Variants in RANBP2 observed in about 807,000 individuals in gnomAD.
The protein encoded by RANBP2 is RAN binding protein 2.
RANBP2 carries 57 observed loss-of-function variants against 303.6 expected under a neutral mutation model. The ratio of observed to expected loss-of-function variants is 0.19; its 90% confidence interval spans 0.15 to 0.23. The LOEUF (loss-of-function observed/expected upper bound fraction) is 0.23, where lower values mean the gene tolerates loss of function less well. RANBP2 is among the 10% of genes least tolerant of loss of function. The probability of loss-of-function intolerance (pLI) is 1.00; values close to 1 mark genes in which losing one functional copy is unlikely to be tolerated. For missense variants in RANBP2, 3,138 were observed against 3,780.8 expected (o/e 0.83, Z 4.46); for synonymous variants, 1,167 against 1,301.5 (o/e 0.90, Z 2.23).
the RANBP2 span, among the ~76,000 whole-genome samples, chr2:109,222,413 T>C: frequency 6.6e-6 from 1 of 152,234 alleles, no homozygotes; most frequent in Non-Finnish European, 1.5e-5. Flanking sequence ...GATTTGATCA[T>C]TACACATTGT....
chr2:109,545,537 G>A, the RANBP2 span: 1 of 1,535,652 alleles, frequency 6.5e-7, no homozygotes, highest in Non-Finnish European at 8.7e-7. Flanking sequence ...TCGACAGCCT[G>A]GTTCCCTTAT....
chr2:109,629,576 G>T, the RANBP2 span, among the ~76,000 whole-genome samples: 2 of 151,704 alleles, frequency 1.3e-5, no homozygotes, highest in Non-Finnish European at 2.9e-5. Flanking sequence ...ACTTTGGGAG[G>T]CTGAGGCAGG....
chr2:109,258,054 A>G, the RANBP2 span, among the ~76,000 whole-genome samples: 69,827 of 151,912 alleles, frequency 0.46, 16,092 homozygotes, highest in African/African-American at 0.48. Context: ...GCTGACCCTC[A>G]CAGCCCTGCC....
chr2:108,828,600 G>A, the RANBP2 span, among the ~76,000 whole-genome samples: 2 of 152,324 alleles, frequency 1.3e-5, no homozygotes, highest in South Asian at 4.1e-4. Flanking sequence ...AGTGGAGGAA[G>A]GACAGTCTTT....
At chr2:109,259,529 T>G in the RANBP2 span, among the ~76,000 whole-genome samples, 1 of 152,218 alleles carries the variant, frequency 6.6e-6, no homozygotes, top group South Asian at 2.1e-4. Context: ...TCCGGGGCCC[T>G]TCATGCCTTA....
the RANBP2 span, among the ~76,000 whole-genome samples, chr2:109,352,680 C>T: frequency 6.6e-6 from 1 of 152,216 alleles, no homozygotes; most frequent in Non-Finnish European, 1.5e-5. Flanking sequence ...GGAACCAGTT[C>T]TCCTTTTTGG....
chr2:109,372,517 ACCTGCTCATTTAATC>A, the RANBP2 span, among the ~76,000 whole-genome samples: 1 of 152,226 alleles, frequency 6.6e-6, no homozygotes, highest in East Asian at 1.9e-4. Flanking sequence ...ACTTGGAAGT[ACCTGCTCATTTAATC>A]TTCTCAGCAA....
the RANBP2 span, chr2:108,816,167 A>G: frequency 1.5e-6 from 2 of 1,302,028 alleles, no homozygotes; most frequent in East Asian, 4.7e-5. Context: ...AGGAAAAGCC[A>G]GGGCCAGGCA....
chr2:108,740,744 G>A, intron 7 of RANBP2, 63 bp downstream of exon 7: 13 of 1,596,652 alleles, frequency 8.1e-6, no homozygotes, highest in Non-Finnish European at 1.1e-5. Flanking sequence ...TTGAAATGAA[G>A]GTGTGCTCTG....
chr2:109,049,011 A>C, the RANBP2 span, among the ~76,000 whole-genome samples: 1 of 152,240 alleles, frequency 6.6e-6, no homozygotes, highest in Non-Finnish European at 1.5e-5. Flanking sequence ...TTATGTTTAC[A>C]ACTATTAAAT....
At chr2:109,733,579 G>A in the RANBP2 span, among the ~76,000 whole-genome samples, 1 of 152,144 alleles carries the variant, frequency 6.6e-6, no homozygotes, top group Admixed American at 6.5e-5. Context: ...AAGAAAAGTC[G>A]TGGTGGCTCG....
chr2:109,147,196 G>A, the RANBP2 span, among the ~76,000 whole-genome samples: 4 of 152,104 alleles, frequency 2.6e-5, no homozygotes, highest in East Asian at 5.8e-4. Flanking sequence ...AGAAAAGACC[G>A]GGATGCCTGG....
the RANBP2 span, among the ~76,000 whole-genome samples, chr2:109,144,054 G>A: frequency 2.0e-5 from 3 of 152,152 alleles, no homozygotes; most frequent in South Asian, 6.2e-4. Context: ...CGGAAGTGTG[G>A]GAAGAGGAGA....
At chr2:108,964,465 T>C in the RANBP2 span, among the ~76,000 whole-genome samples, 2 of 151,906 alleles carry the variant, frequency 1.3e-5, no homozygotes, top group African/African-American at 4.8e-5. Flanking sequence ...ACCCAAAATA[T>C]GAGAAATAAA....
At chr2:109,735,628 T>TA in the RANBP2 span, among the ~76,000 whole-genome samples, 1 of 152,112 alleles carries the variant, frequency 6.6e-6, no homozygotes, top group East Asian at 1.9e-4. Flanking sequence ...TGGGACTAGT[T>TA]AAAAAAAATT....
At chr2:109,088,723 G>C in the RANBP2 span, among the ~76,000 whole-genome samples, 2,336 of 152,206 alleles carry the variant, frequency 0.015, 64 homozygotes, top group African/African-American at 0.053. Context: ...TGTTGGCCAG[G>C]CTGGTCTCGA....
chr2:108,850,851 C>T, the RANBP2 span, among the ~76,000 whole-genome samples: 1 of 152,118 alleles, frequency 6.6e-6, no homozygotes, highest in Non-Finnish European at 1.5e-5. Flanking sequence ...CAGAAGAAGA[C>T]TTCTGTGACA....
At chr2:109,751,612 G>A in the RANBP2 span, among the ~76,000 whole-genome samples, 1 of 65,042 alleles carries the variant, frequency 1.5e-5, no homozygotes, top group African/African-American at 4.0e-5. Flanking sequence ...AAAGTTGGAG[G>A]TTCTAATTTA....
chr2:108,754,697 A>G (rs17021308), intron 15 of RANBP2, among the ~76,000 whole-genome samples: 2,762 of 152,238 alleles, frequency 0.018, 69 homozygotes, highest in African/African-American at 0.063. Flanking sequence ...GAAGAAAAAA[A>G]TATAATAAAG....
Sources: allele counts gnomAD v4.1 joint callset (sites outside exome capture counted in the v4.1 genomes callset), GRCh38; gene constraint gnomAD v4.1.1; transcripts MANE v1.5; gene names NCBI Gene and HGNC (gene_info 2026-07-23, HGNC 2026-07-21).